The following CHST15 variants were observed in gnomAD, a reference collection of about 807,000 sequenced individuals.
CHST15 encodes the protein B cell RAG associated protein (GALNAC4S-6ST).
Under a neutral mutation model 53.6 loss-of-function variants are expected in CHST15, and 30 were observed. That is an observed-to-expected ratio of 0.56 (90% CI 0.42 to 0.76). The LOEUF (loss-of-function observed/expected upper bound fraction) is 0.76. Ranked by LOEUF, CHST15 falls within the 30% of genes least tolerant of loss-of-function variation. The probability of loss-of-function intolerance (pLI) is 0.00; values close to 1 mark genes in which losing one functional copy is unlikely to be tolerated. For synonymous variants in CHST15, 296 were observed against 289.8 expected, an observed-to-expected ratio of 1.02 and a Z score of -0.22; for missense variants, 627 against 740.5, an observed-to-expected ratio of 0.85 and a Z score of 1.78.
chr10:124,069,919 GT>G (rs1948860277), intron 1 of CHST15, among the ~76,000 whole-genome samples: 1 of 152,238 alleles, frequency 6.6e-6, no homozygotes, highest in African/African-American at 2.4e-5. Flanking sequence ...CAAGATGGGA[GT>G]TCCCCTGAAT....
rs1333069773 is a variant in CHST15 at position 124,044,713 on chromosome 10, G to A, written c.753C>T (p.Arg251=). The stretch of plus-strand genomic sequence containing the variant: ...CTATGATGTAGAAGTGCGGCAGGCA[G>A]CGCAGGCGGAAGTGCTTCCCGTGCG... ...AHAHGKHFRL[R]CLPHFYIIGQ... Residue 251 remains arginine, a synonymous_variant, in exon 3 of 8, where the codon CGC becomes CGT. Transcript: ENST00000435907. 2.5e-6 allele frequency: 4 copies of A among 1,613,698 alleles called. No homozygotes were observed. The highest frequency in any genetic ancestry group is 3.4e-6 in the Non-Finnish European group (4 of 1,179,896).
chr10:124,067,643 G>C (rs1590329068), intron 1 of CHST15, among the ~76,000 whole-genome samples: 1 of 152,216 alleles, frequency 6.6e-6, no homozygotes, highest in Non-Finnish European at 1.5e-5. Context: ...TTGAGACGGA[G>C]TGTTGCTCTG....
chr10:124,077,562 C>T (rs968926943), intron 1 of CHST15, among the ~76,000 whole-genome samples: 2 of 152,166 alleles, frequency 1.3e-5, no homozygotes, highest in Admixed American at 6.5e-5. Flanking sequence ...GTGCTCTGTC[C>T]ACCACCTAAA....
chr10:124,021,588 C>G, intron 5 of CHST15, among the ~76,000 whole-genome samples, 176 bp from the exon 6 acceptor site: 1 of 152,166 alleles, frequency 6.6e-6, no homozygotes, highest in East Asian at 1.9e-4. Flanking sequence ...AGCTCCCGCC[C>G]TTCTCGTGGC....
chr10:124,020,312 C>T (rs777271389), intron 6 of CHST15: 18 of 985,508 alleles, frequency 1.8e-5, no homozygotes, highest in Non-Finnish European at 1.9e-5. Context: ...AAACCTGACC[C>T]ACACCAATGG....
At chr10:124,060,081 C>A (rs1948508416) in intron 1 of CHST15, among the ~76,000 whole-genome samples, 1 of 152,148 alleles carries the variant, frequency 6.6e-6, no homozygotes, top group South Asian at 2.1e-4. Flanking sequence ...GTAGGGACCT[C>A]AGGAGTGTGC....
At chr10:124,017,520 C>T (rs899285308) in intron 6 of CHST15, among the ~76,000 whole-genome samples, 3 of 152,184 alleles carry the variant, frequency 2.0e-5, no homozygotes, top group Non-Finnish European at 4.4e-5. Flanking sequence ...GTGGTAGAAA[C>T]GCCCAGGTGG....
In CHST15 at chr10:124,024,981, C is replaced by G. The variant is rs1946939768; in HGVS notation, c.1191-3569G>C. 6.6e-6 allele frequency among the ~76,000 whole-genome samples: 1 copy of G among 152,186 alleles called. No homozygotes were observed. The highest frequency in any genetic ancestry group is 2.1e-4 in the South Asian group (1 of 4,824). On this transcript the variant is annotated intron_variant, in intron 5 of 7. Transcript: ENST00000435907. This position sits in a 1 kb window ranked among gnomAD's most constrained non-coding sequence, Gnocchi z 4.0. ...AAGCCCAGTTTTTACCAAAGATGCC[C>G]ACAGAACTACCCAAATTGTTTGGTG...
chr10:124,016,651 C>T (rs1226777585), intron 6 of CHST15, among the ~76,000 whole-genome samples: 1 of 152,164 alleles, frequency 6.6e-6, no homozygotes, highest in African/African-American at 2.4e-5. Flanking sequence ...GCCAGCAGAC[C>T]CAGGATTGAA....
Position 124,039,375 on chromosome 10 carries a change from C to G in CHST15, c.1034-704G>C, listed in dbSNP as rs535286996. Among the ~76,000 whole-genome samples the G allele has an allele frequency of 4.6e-5, 7 of 152,146 alleles. No individual in the cohort carries two copies. The South Asian group carries it at 1.2e-3, about 27-fold the overall frequency. On this transcript the variant is annotated intron_variant, in intron 4 of 7. Coordinates refer to ENST00000435907, the MANE Select transcript of CHST15 (RefSeq NM_001270764.2). ...GGTACTAGATGATTTCCTTCCAAAG[C>G]GTCAGGAGAAAGGAGGAGGGTGGGA...
At chr10:124,058,331 C>T (rs1948450203) in intron 1 of CHST15, among the ~76,000 whole-genome samples, 1 of 152,212 alleles carries the variant, frequency 6.6e-6, no homozygotes, top group African/African-American at 2.4e-5. Context: ...GCCTGATAGT[C>T]CAGTGTCTGC....
At chr10:124,043,508 G>A (rs1947819016) in intron 3 of CHST15, among the ~76,000 whole-genome samples, 1 of 152,220 alleles carries the variant, frequency 6.6e-6, no homozygotes. Flanking sequence ...TTCCCTTCTA[G>A]TCAACCTGAG....
chr10:124,071,180 C>A (rs994155187), intron 1 of CHST15, among the ~76,000 whole-genome samples: 9 of 152,330 alleles, frequency 5.9e-5, no homozygotes, highest in Non-Finnish European at 1.0e-4. Flanking sequence ...GTGCTCAGCT[C>A]TCTCTTCCTA....
At chr10:124,080,691 T>C (rs1949206260) in intron 1 of CHST15, among the ~76,000 whole-genome samples, 1 of 152,192 alleles carries the variant, frequency 6.6e-6, no homozygotes, top group Non-Finnish European at 1.5e-5. Context: ...ATGTTCTTCT[T>C]GATCAAAGCT....
At chr10:124,016,768 C>T (rs1177947712) in intron 6 of CHST15, among the ~76,000 whole-genome samples, 3 of 152,102 alleles carry the variant, frequency 2.0e-5, no homozygotes, top group Non-Finnish European at 2.9e-5. Context: ...TCTAATGAGA[C>T]GATGCATTGA....
intron 1 of CHST15, among the ~76,000 whole-genome samples, chr10:124,071,865 C>T (rs7897912): frequency 0.64 from 96,789 of 152,068 alleles, 30,969 homozygotes; most frequent in South Asian, 0.77. Context: ...AATTTCCATT[C>T]TTCGGCCGTC....
At chr10:124,085,997 T>C (rs910205260) in intron 1 of CHST15, among the ~76,000 whole-genome samples, 1 of 152,034 alleles carries the variant, frequency 6.6e-6, no homozygotes, top group East Asian at 1.9e-4. Context: ...GCACAGGCCC[T>C]GTGGGGGGCT....
chr10:124,054,828 A>T (rs1288202080), intron 1 of CHST15, among the ~76,000 whole-genome samples: 2 of 152,236 alleles, frequency 1.3e-5, no homozygotes, highest in Non-Finnish European at 2.9e-5. Context: ...ACACCGTGGA[A>T]GGATGAGCCA....
At chr10:124,027,020 C>G (rs1418199409) in intron 5 of CHST15, among the ~76,000 whole-genome samples, 2 of 152,164 alleles carry the variant, frequency 1.3e-5, no homozygotes, top group African/African-American at 2.4e-5. Flanking sequence ...GGCTGCCCAG[C>G]CCCCTCCAGC....
Sources: allele counts gnomAD v4.1 joint callset (sites outside exome capture counted in the v4.1 genomes callset), GRCh38; gene constraint gnomAD v4.1.1; non-coding constraint Gnocchi (gnomAD v3.1); transcripts MANE v1.5; gene names NCBI Gene and HGNC (gene_info 2026-07-23, HGNC 2026-07-21).